Variants in HCN1 observed in about 807,000 individuals in gnomAD.
HCN1 encodes the protein potassium/sodium hyperpolarization-activated cyclic nucleotide-gated channel 1.
In HCN1, 13 loss-of-function variants were observed where a neutral mutation model predicts 78.9. The observed-to-expected ratio is 0.16, with a 90% CI of 0.11 to 0.26. HCN1 has a LOEUF of 0.26. Ranked by LOEUF, HCN1 falls within the 10% of genes least tolerant of loss-of-function variation. The pLI is 1.00. For missense variants in HCN1, 810 were observed against 1,154.3 expected (o/e 0.70, Z 4.32); for synonymous variants, 552 against 455.5 (o/e 1.21, Z -2.70).
intron 2 of HCN1, among the ~76,000 whole-genome samples, chr5:45,631,334 ATCACT>A (rs1361259063): frequency 6.6e-6 from 1 of 152,106 alleles, no homozygotes; most frequent in Non-Finnish European, 1.5e-5. Context: ...AGTGAAATAT[ATCACT>A]TCTGAGTCTG....
At chr5:45,314,679 T>C (rs539601058) in intron 5 of HCN1, among the ~76,000 whole-genome samples, 2 of 152,058 alleles carry the variant, frequency 1.3e-5, no homozygotes, top group African/African-American at 2.4e-5. Context: ...CCATCTCACA[T>C]GCAGAGACAC....
At chr5:45,545,362 G>A (rs559450494) in intron 2 of HCN1, among the ~76,000 whole-genome samples, 2 of 152,094 alleles carry the variant, frequency 1.3e-5, no homozygotes, top group East Asian at 1.9e-4. Flanking sequence ...TTGTCAGATG[G>A]GTAGATTGTA....
At chr5:45,595,548 AAT>A (rs1744472932) in intron 2 of HCN1, among the ~76,000 whole-genome samples, 1 of 152,116 alleles carries the variant, frequency 6.6e-6, no homozygotes, top group Non-Finnish European at 1.5e-5. Flanking sequence ...ATTTTGCTAA[AAT>A]ATGTTTTATT....
chr5:45,589,910 C>T (rs1052564343), intron 2 of HCN1, among the ~76,000 whole-genome samples: 1 of 152,146 alleles, frequency 6.6e-6, no homozygotes, highest in Non-Finnish European at 1.5e-5. Flanking sequence ...ACATTGGGCA[C>T]ATCTTTTGAT....
At chr5:45,264,919 G>C (rs1744827008) in intron 7 of HCN1, among the ~76,000 whole-genome samples, 1 of 152,136 alleles carries the variant, frequency 6.6e-6, no homozygotes, top group South Asian at 2.1e-4. Context: ...GGCTGGGCGC[G>C]GTGGCTCATG....
chr5:45,455,660 A>C (rs1342153550), intron 3 of HCN1, among the ~76,000 whole-genome samples: 1 of 151,678 alleles, frequency 6.6e-6, no homozygotes, highest in Non-Finnish European at 1.5e-5. Flanking sequence ...TATGTCTTTA[A>C]ATTTAATTCT....
intron 1 of HCN1, among the ~76,000 whole-genome samples, chr5:45,675,783 C>T (rs1471687427): frequency 1.3e-5 from 2 of 151,786 alleles, no homozygotes; most frequent in Non-Finnish European, 2.9e-5. Flanking sequence ...GACATAAAAA[C>T]TTAAAGTATA....
chr5:45,318,146 C>A (rs548670992), intron 5 of HCN1, among the ~76,000 whole-genome samples: 1 of 152,166 alleles, frequency 6.6e-6, no homozygotes, highest in Admixed American at 6.5e-5. Flanking sequence ...TTCACAATAG[C>A]AAAGACTTGG....
intron 5 of HCN1, among the ~76,000 whole-genome samples, chr5:45,323,327 T>C (rs963253370): frequency 2.0e-5 from 3 of 151,884 alleles, no homozygotes; most frequent in African/African-American, 7.2e-5. Flanking sequence ...AGTTAACAAA[T>C]TTATTACACT....
intron 4 of HCN1, among the ~76,000 whole-genome samples, chr5:45,372,137 A>AATTATATATTATATATATAAT (rs1561127996): frequency 1.3e-4 from 7 of 54,292 alleles, no homozygotes; most frequent in Non-Finnish European, 1.7e-4. Context: ...TATATAATAT[A>AATTATATATTATATATATAAT]ATAATATATT....
intron 2 of HCN1, among the ~76,000 whole-genome samples, chr5:45,477,748 A>G (rs1741548881): frequency 6.6e-6 from 1 of 152,170 alleles, no homozygotes; most frequent in Non-Finnish European, 1.5e-5. Context: ...ATAGAAAATA[A>G]TGTAAAGGGC....
At chr5:45,508,420 A>G (rs1172791974) in intron 2 of HCN1, among the ~76,000 whole-genome samples, 2 of 152,120 alleles carry the variant, frequency 1.3e-5, no homozygotes, top group African/African-American at 4.8e-5. Flanking sequence ...GCTAGGCTCA[A>G]TGTTCACAAT....
chr5:45,627,207 T>A (rs930646543), intron 2 of HCN1, among the ~76,000 whole-genome samples: 1 of 152,224 alleles, frequency 6.6e-6, no homozygotes, highest in African/African-American at 2.4e-5. Flanking sequence ...GTTTTCTTTT[T>A]GGTAACTGAC....
At chr5:45,350,725 C>A (rs1037704963) in intron 5 of HCN1, among the ~76,000 whole-genome samples, 1 of 151,138 alleles carries the variant, frequency 6.6e-6, no homozygotes, top group African/African-American at 2.4e-5. Context: ...TTCTTATACA[C>A]CAACAACAGA....
At chr5:45,357,292 T>C (rs573215827) in intron 4 of HCN1, among the ~76,000 whole-genome samples, 5 of 152,130 alleles carry the variant, frequency 3.3e-5, no homozygotes, top group Non-Finnish European at 7.4e-5. Context: ...TATAGAATTC[T>C]AGGTTGAACT....
chr5:45,419,704 C>T (rs1432020332), intron 3 of HCN1, among the ~76,000 whole-genome samples: 1 of 152,138 alleles, frequency 6.6e-6, no homozygotes, highest in African/African-American at 2.4e-5. Context: ...AGTACTGGGG[C>T]TCCCGCTTTG....
chr5:45,366,158 T>G (rs1218928389), intron 4 of HCN1, among the ~76,000 whole-genome samples: 1 of 143,982 alleles, frequency 6.9e-6, no homozygotes, highest in Non-Finnish European at 1.5e-5. Context: ...TGTTACATTA[T>G]AGCATTTGTG....
At chr5:45,450,177 A>G (rs1372523779) in intron 3 of HCN1, among the ~76,000 whole-genome samples, 1 of 152,198 alleles carries the variant, frequency 6.6e-6, no homozygotes, top group Non-Finnish European at 1.5e-5. Context: ...TTGCCTCAAG[A>G]GAGGTTTTGA....
intron 2 of HCN1, among the ~76,000 whole-genome samples, chr5:45,626,752 G>A (rs184406122): frequency 6.6e-6 from 1 of 151,976 alleles, no homozygotes; most frequent in Non-Finnish European, 1.5e-5. Flanking sequence ...GTTTGAAAGG[G>A]TCAGCAGGGA....
Sources: gnomAD v4.1 joint callset for allele counts (sites outside exome capture counted in the v4.1 genomes callset) on GRCh38, gnomAD v4.1.1 for gene constraint, MANE v1.5 for transcripts, NCBI Gene and HGNC (gene_info 2026-07-23, HGNC 2026-07-21) for gene names.